The following FBLIM1 variants were observed in gnomAD, a reference collection of about 807,000 sequenced individuals.
FBLIM1 encodes filamin binding LIM protein 1.
A neutral mutation model predicts 37.4 loss-of-function variants in FBLIM1; 29 were observed. The ratio of observed to expected loss-of-function variants is 0.77; its 90% CI spans 0.58 to 1.06. The LOEUF is 1.06. Among genes scored for constraint, FBLIM1 ranks in the 50% least tolerant of loss-of-function variants. FBLIM1 has a pLI of 0.00. For synonymous variants in FBLIM1, 193 were observed against 199.0 expected (o/e 0.97, Z 0.25); for missense variants, 449 against 505.6 (o/e 0.89, Z 1.07).
intron 7 of FBLIM1, chr1:15,776,913 C>T: frequency 7.0e-6 from 2 of 285,240 alleles, no homozygotes; most frequent in South Asian, 2.1e-4. Flanking sequence ...ACAAAAAAGA[C>T]AGATGAGATG....
Position 15,765,285 on chromosome 1 carries a change from A to T in FBLIM1, c.250+52A>T. The stretch of plus-strand genomic sequence containing the variant: ...GACCACGTCAGAGGCAGAGGTGGGG[A>T]GGAAAGGGCAGGCTCCAGCGTCATT... On this transcript the variant is annotated intron_variant, in intron 3 of 8. Transcript: ENST00000375766. This position sits in a 1 kb window ranked among gnomAD's most constrained non-coding sequence, Gnocchi z 5.9. 1 of 1,554,630 alleles carries T rather than the reference A, an allele frequency of 6.4e-7. No individual in the cohort carries two copies. Among genetic ancestry groups the T allele is most frequent in the Non-Finnish European group, 8.7e-7 (1 of 1,148,400 alleles).
At chr1:15,773,745 T>G (rs1557699928) in intron 6 of FBLIM1, among the ~76,000 whole-genome samples, 1 of 151,290 alleles carries the variant, frequency 6.6e-6, no homozygotes, top group Non-Finnish European at 1.5e-5. Context: ...AAACAATTTT[T>G]TAAAGACTGC....
chr1:15,764,812 C>CCTT, intron 2 of FBLIM1, 127 bp downstream of exon 2: 2 of 953,552 alleles, frequency 2.1e-6, no homozygotes, highest in Non-Finnish European at 3.1e-6. Context: ...CACCCCCACC[C>CCTT]CTTCTCTGGC....
At chr1:15,781,725 T>G (rs1221134543) in intron 8 of FBLIM1, among the ~76,000 whole-genome samples, 3 of 146,964 alleles carry the variant, frequency 2.0e-5, no homozygotes, top group African/African-American at 5.0e-5. Flanking sequence ...ATTGTTTTTT[T>G]TTTTTTTTTT....
At chr1:15,769,486 A>G (rs1354839803) in intron 5 of FBLIM1, among the ~76,000 whole-genome samples, 3 of 151,046 alleles carry the variant, frequency 2.0e-5, no homozygotes, top group Admixed American at 1.3e-4. Context: ...CAAAAAAATA[A>G]AAAAATAAAA....
chr1:15,780,220 A>G (rs2148651918), intron 8 of FBLIM1, among the ~76,000 whole-genome samples: 1 of 150,394 alleles, frequency 6.6e-6, no homozygotes, highest in South Asian at 2.1e-4. Flanking sequence ...TTTTGTAGAG[A>G]CTGAGTCTCA....
chr1:15,786,448 A>G lies in FBLIM1; in HGVS notation c.*1787A>G, dbSNP rs1456870838. ...CAAAGGCCTCCTGTTCTGTTATTTC[A>G]CTTAAATCAACATGCTATTTTGTTT... On this transcript the variant is annotated 3_prime_UTR_variant, in exon 9 of 9. Transcript: ENST00000375766. 6.6e-6 allele frequency: 1 copy of G among 152,192 alleles called. No homozygotes were observed. Among genetic ancestry groups the G allele is most frequent in the Admixed American group, 6.5e-5 (1 of 15,276 alleles). 9.4% of individuals were successfully genotyped at this position (152,192 alleles called of 1,614,324 possible).
chr1:15,757,596 C>A (rs543953957), upstream of FBLIM1, among the ~76,000 whole-genome samples: 8 of 152,222 alleles, frequency 5.3e-5, no homozygotes, highest in South Asian at 1.2e-3. The surrounding 1 kb of genome is among the most constrained non-coding windows in gnomAD (Gnocchi z 4.1). Context: ...CATAAACCAG[C>A]CTCCCTCAGA....
upstream of FBLIM1, chr1:15,758,594 A>AGGGAGG (rs2068506565): frequency 6.6e-6 from 1 of 150,848 alleles, no homozygotes; most frequent in East Asian, 2.0e-4. This position sits in a 1 kb window ranked among gnomAD's most constrained non-coding sequence, Gnocchi z 6.2. Flanking sequence ...CAGGGAACAA[A>AGGGAGG]GGGAGGGGGA....
chr1:15,768,717 C>T (rs1279030330), intron 5 of FBLIM1, 87 bp downstream of exon 5: 4 of 922,274 alleles, frequency 4.3e-6, no homozygotes, highest in Non-Finnish European at 6.2e-6. Flanking sequence ...GTGAGGACCC[C>T]TCTTCCCATC....
chr1:15,772,919 G>A (rs990494567), intron 6 of FBLIM1, among the ~76,000 whole-genome samples: 37 of 152,050 alleles, frequency 2.4e-4, no homozygotes, highest in African/African-American at 8.7e-4. Flanking sequence ...CAAGTAGCTG[G>A]GATTACAGTT....
intron 6 of FBLIM1, among the ~76,000 whole-genome samples, chr1:15,773,971 C>T (rs538286992): frequency 1.5e-4 from 22 of 151,676 alleles, no homozygotes; most frequent in Admixed American, 4.6e-4. Flanking sequence ...GGTGAAACAC[C>T]GTGTCTACAA....
chr1:15,759,445 A>T (rs2068560248), intron 1 of FBLIM1, among the ~76,000 whole-genome samples: 1 of 151,108 alleles, frequency 6.6e-6, no homozygotes, highest in Non-Finnish European at 1.5e-5. Context: ...CCTACCCCTC[A>T]CCTCCCACCC....
chr1:15,784,699 G>T lies in FBLIM1; in HGVS notation c.*38G>T. 6.3e-7 allele frequency: 1 copy of T among 1,576,206 alleles called. No homozygotes were observed. Among genetic ancestry groups the T allele is most frequent in the Non-Finnish European group, 8.7e-7 (1 of 1,148,906 alleles). On this transcript the variant is annotated 3_prime_UTR_variant, in exon 9 of 9. Transcript: ENST00000375766. ...GGCAGTGAACAGACCACTAGCCCCGGCTGGGGCCCTTCCCTGACTTGGTTT... is the reference window on the plus strand; with the variant it reads ...GGCAGTGAACAGACCACTAGCCCCGTCTGGGGCCCTTCCCTGACTTGGTTT...
intron 8 of FBLIM1, among the ~76,000 whole-genome samples, chr1:15,779,107 TG>T (rs2069571337): frequency 1.3e-5 from 2 of 151,992 alleles, no homozygotes; most frequent in South Asian, 4.2e-4. Context: ...GGCTAATTTT[TG>T]TATTTTTAGT....
At chr1:15,771,190 G>A (rs1191738399) in intron 6 of FBLIM1, among the ~76,000 whole-genome samples, 1 of 148,390 alleles carries the variant, frequency 6.7e-6, no homozygotes, top group Admixed American at 6.7e-5. Flanking sequence ...CACCCACCTC[G>A]ACCTCCCAAA....
chr1:15,773,355 C>A (rs1569834409), intron 6 of FBLIM1, among the ~76,000 whole-genome samples: 2 of 151,446 alleles, frequency 1.3e-5, no homozygotes, highest in East Asian at 3.9e-4. Flanking sequence ...TGCACTCCAG[C>A]CTGCGCAACA....
chr1:15,770,808 C>G (rs2069165603), intron 6 of FBLIM1, among the ~76,000 whole-genome samples: 1 of 152,248 alleles, frequency 6.6e-6, no homozygotes, highest in Non-Finnish European at 1.5e-5. Flanking sequence ...CACGTTTATT[C>G]TGTCCCAGTT....
rs895092594 is a variant in FBLIM1, at chr1:15,768,694, A to G, written c.541+64A>G. 3.0e-6 allele frequency: 4 copies of G among 1,332,796 alleles called. No homozygotes were observed. In the South Asian group the frequency reaches 4.6e-5, roughly 15 times the overall value. 82.6% of individuals were successfully genotyped at this position (1,332,796 alleles called of 1,614,324 possible). A position where few individuals can be genotyped will look rare whatever the true frequency, so the allele number is the denominator to read the frequency against. ...ATGGGGCCAGCATGGGCTTCCAGGT[A>G]GAAACCAAGAGAGTGAGGACCCCTC... On this transcript the variant is annotated intron_variant, in intron 5 of 8. Transcript: ENST00000375766.
Sources: gnomAD v4.1 joint callset for allele counts (sites outside exome capture counted in the v4.1 genomes callset) on GRCh38, gnomAD v4.1.1 for gene constraint, Gnocchi (gnomAD v3.1) non-coding constraint, MANE v1.5 for transcripts, NCBI Gene and HGNC (gene_info 2026-07-23, HGNC 2026-07-21) for gene names.